Variants in ACOXL observed in about 807,000 individuals in gnomAD.
ACOXL encodes acyl-CoA oxidase like.
ACOXL carries 70 observed loss-of-function variants against 71.9 expected under a neutral mutation model. That is an observed-to-expected ratio of 0.97 (90% CI 0.80 to 1.19). The LOEUF is 1.19. Ranked by LOEUF, ACOXL falls within the 50% of genes most tolerant of loss-of-function variation. ACOXL has a pLI of 0.00. For missense variants in ACOXL, 703 were observed against 736.3 expected (o/e 0.95, Z 0.52); for synonymous variants, 253 against 281.6 (o/e 0.90, Z 1.02).
At chr2:110,941,970 T>C (rs1469615439) in intron 12 of ACOXL, among the ~76,000 whole-genome samples, 2 of 152,126 alleles carry the variant, frequency 1.3e-5, no homozygotes, top group East Asian at 1.9e-4. Context: ...TAGACAAAAA[T>C]AATAACAATG....
intron 14 of ACOXL, among the ~76,000 whole-genome samples, chr2:111,009,860 T>G (rs1274714541): frequency 6.6e-6 from 1 of 152,194 alleles, no homozygotes; most frequent in Non-Finnish European, 1.5e-5. Flanking sequence ...GAAAAGGGAT[T>G]GCCTAAGGAC....
chr2:111,051,494 A>AG (rs1231377522), intron 16 of ACOXL, among the ~76,000 whole-genome samples: 1 of 152,166 alleles, frequency 6.6e-6, no homozygotes, highest in Non-Finnish European at 1.5e-5. Flanking sequence ...TTTGAGACAG[A>AG]GTCTTCTTCT....
At chr2:111,093,315 C>G (rs1490412523) in intron 17 of ACOXL, among the ~76,000 whole-genome samples, 1 of 151,824 alleles carries the variant, frequency 6.6e-6, no homozygotes, top group Admixed American at 6.6e-5. Context: ...AAGAAAGACC[C>G]GGGGTATTTT....
At chr2:110,925,004 C>G (rs556033313) in intron 11 of ACOXL, among the ~76,000 whole-genome samples, 44 of 152,294 alleles carry the variant, frequency 2.9e-4, no homozygotes, top group African/African-American at 9.6e-4. Context: ...TTGTACATCT[C>G]CCTCAGAGCT....
chr2:111,054,381 A>G (rs2149850165), intron 16 of ACOXL, among the ~76,000 whole-genome samples: 1 of 152,258 alleles, frequency 6.6e-6, no homozygotes, highest in South Asian at 2.1e-4. Flanking sequence ...TGATACCTTG[A>G]TCTAAGCAGA....
chr2:110,758,320 T>C (rs2104877344), intron 1 of ACOXL, among the ~76,000 whole-genome samples: 1 of 152,360 alleles, frequency 6.6e-6, no homozygotes, highest in East Asian at 1.9e-4. Flanking sequence ...TGAAGTCAAA[T>C]AGTGTGATGC....
intron 17 of ACOXL, among the ~76,000 whole-genome samples, chr2:111,113,546 T>A (rs2070138345): frequency 6.6e-6 from 1 of 152,182 alleles, no homozygotes; most frequent in Non-Finnish European, 1.5e-5. Flanking sequence ...TGCCTGGCCC[T>A]CCGGGATGGA....
chr2:111,006,569 TC>T (rs2063884860), intron 14 of ACOXL, among the ~76,000 whole-genome samples: 1 of 151,776 alleles, frequency 6.6e-6, no homozygotes, highest in Non-Finnish European at 1.5e-5. Context: ...TTTTTTTTTT[TC>T]TTTTTTGAGA....
intron 10 of ACOXL, among the ~76,000 whole-genome samples, chr2:110,905,284 C>A (rs2059399842): frequency 1.3e-5 from 2 of 152,128 alleles, no homozygotes; most frequent in South Asian, 4.1e-4. Context: ...AAAAATGAGT[C>A]CAATTAGACA....
At chr2:110,856,136 C>T (rs1466687714) in intron 10 of ACOXL, among the ~76,000 whole-genome samples, 1 of 152,194 alleles carries the variant, frequency 6.6e-6, no homozygotes, top group African/African-American at 2.4e-5. Flanking sequence ...CTGATTGGTG[C>T]ATTTTACAAT....
rs902306422 is a variant in ACOXL at position 110,965,019 on chromosome 2, G to A, written c.1060-22089G>A. 3.9e-5 allele frequency among the ~76,000 whole-genome samples: 6 copies of A among 151,966 alleles called. No individual in the cohort carries two copies. The South Asian group carries it at 6.2e-4, about 16-fold the overall frequency. ...CAGCCTCTGGTATCTATCATTCTAC[G>A]CTTTACTGCTATGAGATCAACTTTT... On this transcript the variant is annotated intron_variant, in intron 12 of 17. Coordinates refer to ENST00000439055, the MANE Select transcript of ACOXL (RefSeq NM_001142807.4).
At chr2:110,949,291 G>A (rs896679519) in intron 12 of ACOXL, among the ~76,000 whole-genome samples, 1 of 151,520 alleles carries the variant, frequency 6.6e-6, no homozygotes, top group Admixed American at 6.6e-5. Context: ...CTAGTAGAAG[G>A]GCCTTCTCAG....
intron 1 of ACOXL, among the ~76,000 whole-genome samples, chr2:110,749,442 C>T (rs1416306478): frequency 6.6e-6 from 1 of 152,174 alleles, no homozygotes; most frequent in African/African-American, 2.4e-5. Context: ...GCAGCATTGA[C>T]AGGCCGGACA....
chr2:110,836,891 G>C (rs1271080966), intron 9 of ACOXL, among the ~76,000 whole-genome samples: 2 of 152,254 alleles, frequency 1.3e-5, no homozygotes, highest in East Asian at 3.8e-4. Context: ...CAGGGTGCAA[G>C]GCAGGTTGCA....
intron 1 of ACOXL, among the ~76,000 whole-genome samples, chr2:110,746,492 A>C (rs189267256): frequency 6.6e-6 from 1 of 152,192 alleles, no homozygotes; most frequent in African/African-American, 2.4e-5. Flanking sequence ...TTGTAAATGG[A>C]CAAGTAAGTG....
intron 14 of ACOXL, among the ~76,000 whole-genome samples, chr2:110,996,969 C>G (rs576687886): frequency 6.6e-6 from 1 of 151,996 alleles, no homozygotes; most frequent in Non-Finnish European, 1.5e-5. Context: ...TTCCCCCAGG[C>G]GTAGATCTGA....
chr2:111,065,997 C>T (rs925517298), intron 16 of ACOXL, among the ~76,000 whole-genome samples: 3 of 152,130 alleles, frequency 2.0e-5, no homozygotes, highest in Non-Finnish European at 4.4e-5. Context: ...CACATGCTTA[C>T]CATACAGCCC....
At chr2:110,754,034 G>A (rs1000045769) in intron 1 of ACOXL, among the ~76,000 whole-genome samples, 32 of 91,980 alleles carry the variant, frequency 3.5e-4, no homozygotes, top group Middle Eastern at 8.3e-3. Context: ...ATGCACACGT[G>A]TGTGTGTGTG....
At chr2:111,113,162 G>A (rs1321067262) in intron 17 of ACOXL, 1 of 152,208 alleles carries the variant, frequency 6.6e-6, no homozygotes, top group African/African-American at 2.4e-5. Flanking sequence ...GAGGCACTGG[G>A]GGAAAAGATG....
Sources: gnomAD v4.1 joint callset for allele counts (sites outside exome capture counted in the v4.1 genomes callset) on GRCh38, gnomAD v4.1.1 for gene constraint, MANE v1.5 for transcripts, NCBI Gene and HGNC (gene_info 2026-07-23, HGNC 2026-07-21) for gene names.